ATF6: variants seen among roughly 807,000 people sequenced by gnomAD.
ATF6 encodes cyclic AMP-dependent transcription factor ATF-6 alpha.
In ATF6, 53 loss-of-function variants were observed where a neutral mutation model predicts 83.6. That is an observed-to-expected ratio of 0.63 (90% CI 0.51 to 0.80). The LOEUF (loss-of-function observed/expected upper bound fraction) is 0.80. Ranked by LOEUF, ATF6 falls within the 30% of genes least tolerant of loss-of-function variation. The pLI is 0.00. For missense variants in ATF6, 744 were observed against 797.9 expected (o/e 0.93, Z 0.81); for synonymous variants, 288 against 285.8 (o/e 1.01, Z -0.08).
At chr1:161,861,079 T>G (rs951596127) in intron 13 of ATF6, among the ~76,000 whole-genome samples, 2 of 152,126 alleles carry the variant, frequency 1.3e-5, no homozygotes, top group African/African-American at 4.8e-5. Flanking sequence ...ATGGTTAAAT[T>G]AGATAATATA....
chr1:161,795,024 C>T (rs1306207117), intron 6 of ATF6, among the ~76,000 whole-genome samples: 1 of 151,980 alleles, frequency 6.6e-6, no homozygotes, highest in Non-Finnish European at 1.5e-5. Flanking sequence ...AAATGGGAGA[C>T]AGAGGTAAAA....
chr1:161,778,366 C>A (rs1204183843), intron 2 of ATF6, 46 bp downstream of exon 2: 2 of 1,478,312 alleles, frequency 1.4e-6, no homozygotes, highest in Admixed American at 1.8e-5. Context: ...AGTCTTTAAC[C>A]CTAATTATTG....
At chr1:161,796,579 T>C (rs1468353201) in intron 6 of ATF6, among the ~76,000 whole-genome samples, 2 of 152,228 alleles carry the variant, frequency 1.3e-5, no homozygotes, top group African/African-American at 4.8e-5. Context: ...TGTACAGCTC[T>C]TCAAATTTTT....
At chr1:161,864,789 A>G (rs1686956171) in intron 14 of ATF6, among the ~76,000 whole-genome samples, 1 of 152,198 alleles carries the variant, frequency 6.6e-6, no homozygotes, top group Non-Finnish European at 1.5e-5. Context: ...GCTGAGAACA[A>G]TGTTTCCTGC....
At chr1:161,948,338 T>C (rs1444350698) in intron 15 of ATF6, among the ~76,000 whole-genome samples, 1 of 152,222 alleles carries the variant, frequency 6.6e-6, no homozygotes, top group Non-Finnish European at 1.5e-5. Context: ...TTATCCCATC[T>C]TTTCCAGAAT....
intron 7 of ATF6, among the ~76,000 whole-genome samples, chr1:161,817,525 G>C (rs898539136): frequency 6.6e-6 from 1 of 152,210 alleles, no homozygotes; most frequent in Non-Finnish European, 1.5e-5. Context: ...GTGTGTGTGT[G>C]TGTGAGTGTG....
chr1:161,785,921 A>G (rs1234266651), intron 4 of ATF6, among the ~76,000 whole-genome samples: 1 of 151,438 alleles, frequency 6.6e-6, no homozygotes, highest in Non-Finnish European at 1.5e-5. Flanking sequence ...TTATATGTTT[A>G]AGGCCTATTT....
intron 11 of ATF6, among the ~76,000 whole-genome samples, chr1:161,852,800 TA>T (rs1686663117): frequency 3.9e-5 from 6 of 152,086 alleles, no homozygotes; most frequent in Admixed American, 2.0e-4. Flanking sequence ...AAATTTTCTG[TA>T]GAGACAGGGT....
intron 15 of ATF6, among the ~76,000 whole-genome samples, chr1:161,914,589 G>A (rs1180790219): frequency 6.6e-6 from 1 of 152,098 alleles, no homozygotes; most frequent in Non-Finnish European, 1.5e-5. Context: ...ATCATCAACA[G>A]CAGCACTCTC....
intron 1 of ATF6, among the ~76,000 whole-genome samples, chr1:161,769,506 A>G (rs938182782): frequency 7.2e-5 from 11 of 152,090 alleles, no homozygotes; most frequent in African/African-American, 2.2e-4. Flanking sequence ...ATGAAAGACA[A>G]TTTTTCCACA....
At chr1:161,923,210 A>G (rs897697283) in intron 15 of ATF6, among the ~76,000 whole-genome samples, 34 of 152,148 alleles carry the variant, frequency 2.2e-4, no homozygotes, top group Admixed American at 2.6e-4. Flanking sequence ...AATTACCTTG[A>G]AGGTGGTGGT....
intron 9 of ATF6, among the ~76,000 whole-genome samples, chr1:161,829,188 A>ATTTTTTTTTT (rs1474053685): frequency 1.1e-4 from 13 of 115,606 alleles, no homozygotes; most frequent in Admixed American, 3.4e-4. Flanking sequence ...ATAATGGGAG[A>ATTTTTTTTTT]CTTTTTTTTT....
intron 15 of ATF6, among the ~76,000 whole-genome samples, chr1:161,915,915 A>C (rs1251943496): frequency 1.3e-5 from 2 of 152,082 alleles, no homozygotes; most frequent in Non-Finnish European, 2.9e-5. Context: ...GAGCCACTGC[A>C]CCCAGCCCAA....
chr1:161,850,528 T>G (rs1341417898), intron 10 of ATF6, among the ~76,000 whole-genome samples: 2 of 152,232 alleles, frequency 1.3e-5, no homozygotes, highest in African/African-American at 4.8e-5. Flanking sequence ...TTCATAGCAC[T>G]TACTAGAGTT....
intron 12 of ATF6, among the ~76,000 whole-genome samples, chr1:161,857,107 G>A (rs1686781787): frequency 6.6e-6 from 1 of 152,136 alleles, no homozygotes; most frequent in African/African-American, 2.4e-5. Context: ...TGTTGTCAAT[G>A]CCAAAGCATA....
chr1:161,834,339 C>T (rs576463898), intron 9 of ATF6, among the ~76,000 whole-genome samples: 8 of 151,914 alleles, frequency 5.3e-5, no homozygotes, highest in Middle Eastern at 3.4e-3. Flanking sequence ...ATGTTTATTG[C>T]GGCACTATTC....
Position 161,958,743 on chromosome 1 carries a change from A to C in ATF6, c.*89A>C. 8.6e-7 allele frequency: 1 copy of C among 1,156,328 alleles called. No homozygotes were observed. The highest frequency in any genetic ancestry group is 1.2e-6 in the Non-Finnish European group (1 of 825,408). The allele number at this position is 1,156,328 out of a possible 1,614,324, so 71.6% of individuals were successfully genotyped here. ...AAATGCTGCTTTCTGCCTTGGTGGC[A>C]GGCAGAGAACTGTCTCGTACTAGAA... On this transcript the variant is annotated 3_prime_UTR_variant, in exon 16 of 16. Transcript: ENST00000367942.
At chr1:161,947,044 T>C (rs182864634) in intron 15 of ATF6, among the ~76,000 whole-genome samples, 5 of 152,304 alleles carry the variant, frequency 3.3e-5, no homozygotes, top group Admixed American at 6.5e-5. Context: ...CCGAGAGAAA[T>C]AGAAATAGAA....
At chr1:161,886,754 G>C (rs1216607892) in intron 14 of ATF6, among the ~76,000 whole-genome samples, 1 of 152,218 alleles carries the variant, frequency 6.6e-6, no homozygotes, top group Non-Finnish European at 1.5e-5. Flanking sequence ...GTGAAGCACA[G>C]AGAGGTTACA....
Sources: gnomAD v4.1 joint callset for allele counts (sites outside exome capture counted in the v4.1 genomes callset) on GRCh38, gnomAD v4.1.1 for gene constraint, MANE v1.5 for transcripts, NCBI Gene and HGNC (gene_info 2026-07-23, HGNC 2026-07-21) for gene names.